Variants in TENM3 observed in about 807,000 individuals in gnomAD.
The protein encoded by TENM3 is teneurin-3.
Under a neutral mutation model 255.1 loss-of-function variants are expected in TENM3, and 63 were observed. The ratio of observed to expected loss-of-function variants is 0.25; its 90% confidence interval spans 0.20 to 0.30. The LOEUF (loss-of-function observed/expected upper bound fraction) is 0.30. TENM3 is among the 10% of genes least tolerant of loss of function. The pLI is 1.00. For missense variants in TENM3, 2,929 were observed against 3,461.1 expected (o/e 0.85, Z 3.86); for synonymous variants, 1,306 against 1,322.3 (o/e 0.99, Z 0.27).
chr4:182,111,182 T>G, the TENM3 span, among the ~76,000 whole-genome samples: 1 of 144,878 alleles, frequency 6.9e-6, no homozygotes, highest in African/African-American at 2.6e-5. Context: ...TATACAAGTC[T>G]TCTTCTCTTT....
intron 1 of TENM3, among the ~76,000 whole-genome samples, chr4:182,297,433 G>A (rs1224519619): frequency 6.6e-6 from 1 of 152,162 alleles, no homozygotes; most frequent in Admixed American, 6.5e-5. Flanking sequence ...GCTGCTTTTT[G>A]AATGGATTAT....
the TENM3 span, among the ~76,000 whole-genome samples, chr4:181,834,114 T>TAA: frequency 1.5e-5 from 2 of 135,514 alleles, no homozygotes; most frequent in African/African-American, 5.5e-5. Context: ...ATAAATTTGC[T>TAA]AAAAAAAAAA....
chr4:181,706,902 G>C, the TENM3 span, among the ~76,000 whole-genome samples: 2 of 152,188 alleles, frequency 1.3e-5, no homozygotes, highest in Non-Finnish European at 2.9e-5. Flanking sequence ...TCTGGTTACT[G>C]ATGTCCTGAG....
chr4:181,904,111 T>G, the TENM3 span, among the ~76,000 whole-genome samples: 1 of 152,130 alleles, frequency 6.6e-6, no homozygotes, highest in African/African-American at 2.4e-5. Flanking sequence ...CTGCAAAAAC[T>G]TGATACTCTT....
the TENM3 span, among the ~76,000 whole-genome samples, chr4:181,972,900 C>A: frequency 1.3e-5 from 2 of 152,106 alleles, no homozygotes; most frequent in Non-Finnish European, 2.9e-5. Flanking sequence ...TGATCACTTG[C>A]TCTTTACAAG....
intron 3 of TENM3, among the ~76,000 whole-genome samples, chr4:182,405,669 T>C (rs1186704362): frequency 1.3e-5 from 2 of 152,248 alleles, no homozygotes; most frequent in Non-Finnish European, 2.9e-5. Flanking sequence ...GCTCTTCCTC[T>C]GTAATTGTGG....
At chr4:181,701,544 G>A in the TENM3 span, among the ~76,000 whole-genome samples, 1 of 150,582 alleles carries the variant, frequency 6.6e-6, no homozygotes, top group Admixed American at 6.7e-5. Context: ...TCAGTTGCCT[G>A]GTTTGAAATA....
At chr4:181,482,398 G>T in the TENM3 span, among the ~76,000 whole-genome samples, 548 of 151,748 alleles carry the variant, frequency 3.6e-3, 3 homozygotes, top group African/African-American at 0.013. Flanking sequence ...TTTGACTTTT[G>T]TTTCACTGTA....
chr4:181,667,631 C>A, the TENM3 span, among the ~76,000 whole-genome samples: 2 of 152,122 alleles, frequency 1.3e-5, no homozygotes, highest in Non-Finnish European at 2.9e-5. Flanking sequence ...CTTTCACCTT[C>A]TACCATGGCA....
chr4:182,789,141 A>T lies in TENM3; in HGVS notation c.5353A>T (p.Thr1785Ser). Residue 1785 changes from threonine to serine, a missense_variant, in exon 25 of 28, where the codon ACA becomes TCA. Physicochemically the swap from Thr to Ser is moderately conservative, Grantham distance 58. Coordinates refer to ENST00000511685, the MANE Select transcript of TENM3 (RefSeq NM_001080477.4). The surrounding 1 kb of genome is among the most constrained non-coding windows in gnomAD (Gnocchi z 4.4). The part of the protein sequence containing the change: ...LSVDFDRTTK[T>S]EKIYDDHRKF... Reference sequence around the variant, plus strand: ...AGTTGACTTTGATCGAACAACAAAGACAGAAAAGATCTATGACGACCACCG... The same window carrying T: ...AGTTGACTTTGATCGAACAACAAAGTCAGAAAAGATCTATGACGACCACCG... 6.2e-7 allele frequency: 1 copy of T among 1,612,474 alleles called. No individual in the cohort carries two copies. The highest frequency in any genetic ancestry group is 8.5e-7 in the Non-Finnish European group (1 of 1,179,068).
At position 182,213,833 on chromosome 4, in the gene TENM3, C is replaced by G. The variant is rs376296663; in HGVS notation, c.-76+69079C>G. ...TTTTATTTTTTTGAGACAGAGTCTC[C>G]CTCTGTCGCCCAGGCTGGAGTGCAG... On this transcript the variant is annotated intron_variant, in intron 1 of 2. Transcript: ENST00000512480. Among the ~76,000 whole-genome samples the G allele has an allele frequency of 5.0e-4, 76 of 151,902 alleles. 1 individual carries two copies. The South Asian group carries it at 0.014, about 27-fold the overall frequency.
intron 2 of TENM3, among the ~76,000 whole-genome samples, chr4:182,344,991 G>C (rs750001167): frequency 2.0e-5 from 3 of 152,138 alleles, no homozygotes; most frequent in African/African-American, 4.8e-5. Context: ...CAACGCACAG[G>C]CGCTTTTTCC....
chr4:181,762,498 A>C, the TENM3 span, among the ~76,000 whole-genome samples: 4 of 152,144 alleles, frequency 2.6e-5, no homozygotes. Flanking sequence ...AGACTCCATC[A>C]TAGTGGCAGT....
chr4:181,585,003 CAAAA>C, the TENM3 span, among the ~76,000 whole-genome samples: 1 of 134,788 alleles, frequency 7.4e-6, no homozygotes, highest in African/African-American at 2.7e-5. Flanking sequence ...TATCCAGTGG[CAAAA>C]AAAAAAAAAA....
chr4:181,827,117 A>G, the TENM3 span, among the ~76,000 whole-genome samples: 1 of 152,146 alleles, frequency 6.6e-6, no homozygotes, highest in Non-Finnish European at 1.5e-5. Flanking sequence ...CAACAAAACA[A>G]ACAAGGTCAT....
intron 1 of TENM3, among the ~76,000 whole-genome samples, chr4:182,162,128 C>G (rs890469014): frequency 6.6e-6 from 1 of 151,828 alleles, no homozygotes; most frequent in African/African-American, 2.4e-5. Flanking sequence ...AAGCAGTCCT[C>G]CTGCCTCAGT....
At chr4:181,817,900 A>C in the TENM3 span, among the ~76,000 whole-genome samples, 1 of 152,210 alleles carries the variant, frequency 6.6e-6, no homozygotes, top group East Asian at 1.9e-4. Context: ...ACAGGCTTAG[A>C]CAAGGGCCAA....
chr4:182,150,675 A>G (rs996149183), intron 1 of TENM3, among the ~76,000 whole-genome samples: 1 of 152,122 alleles, frequency 6.6e-6, no homozygotes, highest in Non-Finnish European at 1.5e-5. Context: ...TTAGGAGGTA[A>G]CTTATAAAGG....
At chr4:182,029,120 A>C in the TENM3 span, among the ~76,000 whole-genome samples, 139,339 of 152,034 alleles carry the variant, frequency 0.92, 65,054 homozygotes, top group East Asian at 1. Context: ...TCTGCAGAGA[A>C]CTCAGGAAGC....
Sources: gnomAD v4.1 joint callset for allele counts (sites outside exome capture counted in the v4.1 genomes callset) on GRCh38, gnomAD v4.1.1 for gene constraint, Gnocchi (gnomAD v3.1) non-coding constraint, MANE v1.5 for transcripts, NCBI Gene and HGNC (gene_info 2026-07-23, HGNC 2026-07-21) for gene names.